The following SLC39A9 variants were observed in gnomAD, a reference collection of about 807,000 sequenced individuals.
SLC39A9 encodes the protein zinc transporter ZIP9.
Under a neutral mutation model 28.4 loss-of-function variants are expected in SLC39A9, and 14 were observed. That is an observed-to-expected ratio of 0.49 (90% CI 0.33 to 0.77). The LOEUF (loss-of-function observed/expected upper bound fraction) is 0.77. Ranked by LOEUF, SLC39A9 falls within the 30% of genes least tolerant of loss-of-function variation. The probability of loss-of-function intolerance (pLI) is 0.02; values close to 1 mark genes in which losing one functional copy is unlikely to be tolerated. For synonymous variants in SLC39A9, 119 were observed against 149.6 expected, an observed-to-expected ratio of 0.80 and a Z score of 1.49; for missense variants, 283 against 381.1, an observed-to-expected ratio of 0.74 and a Z score of 2.14.
Position 69,442,169 on chromosome 14 carries a change from A to G in SLC39A9, c.306A>G (p.Thr102=). The change falls in exon 3 of 7, where the codon ACA becomes ACG. Residue 102 remains threonine (T), a synonymous_variant. Coordinates refer to ENST00000336643, the MANE Select transcript of SLC39A9 (RefSeq NM_018375.5). The part of the protein sequence containing the change: ...VHEHEHSHDH[T]QLHAYIGVSL... ...AACATGAGCACAGCCACGACCACAC[A>G]CAGCTGCATGCCTATATTGGTGTTT... is the stretch of plus-strand genomic sequence containing the variant. 6.2e-7 allele frequency: 1 copy of G among 1,614,206 alleles called. No individual in the cohort carries two copies. Among genetic ancestry groups the G allele is most frequent in the Non-Finnish European group, 8.5e-7 (1 of 1,180,046 alleles).
At chr14:69,425,166 T>C (rs939215731) in intron 2 of SLC39A9, among the ~76,000 whole-genome samples, 2 of 152,158 alleles carry the variant, frequency 1.3e-5, no homozygotes, top group African/African-American at 4.8e-5. Flanking sequence ...TCTCTACTTT[T>C]TTTATGGTCA....
chr14:69,411,007 T>G (rs1344493570), intron 1 of SLC39A9, among the ~76,000 whole-genome samples: 4 of 151,684 alleles, frequency 2.6e-5, no homozygotes, highest in Non-Finnish European at 4.4e-5. Flanking sequence ...AGGTCAGGAG[T>G]TTGAGACCTG....
intron 1 of SLC39A9, among the ~76,000 whole-genome samples, chr14:69,422,643 G>A (rs1883962443): frequency 6.6e-6 from 1 of 152,096 alleles, no homozygotes; most frequent in Admixed American, 6.5e-5. Flanking sequence ...GGAGTGCAGT[G>A]GTGCAATCTC....
At chr14:69,404,729 C>CA (rs894802681) in intron 1 of SLC39A9, among the ~76,000 whole-genome samples, 5 of 152,096 alleles carry the variant, frequency 3.3e-5, no homozygotes, top group Non-Finnish European at 4.4e-5. Flanking sequence ...TTGGAGAGGC[C>CA]AGGGCTTTTC....
chr14:69,441,832 G>A (rs970986848), intron 2 of SLC39A9: 17 of 1,239,920 alleles, frequency 1.4e-5, no homozygotes, highest in Admixed American at 1.2e-4. Context: ...CACTTCCCAG[G>A]TGTTGAGAAT....
At chr14:69,455,613 C>A (rs1377148224) in intron 5 of SLC39A9, 119 bp from the exon 6 acceptor site, 3 of 1,379,774 alleles carry the variant, frequency 2.2e-6, no homozygotes, top group Non-Finnish European at 2.0e-6. Flanking sequence ...AGCCACTGTG[C>A]CTGGCCTTTT....
chr14:69,442,869 C>T (rs887222584), intron 3 of SLC39A9, among the ~76,000 whole-genome samples: 1 of 152,182 alleles, frequency 6.6e-6, no homozygotes, highest in Admixed American at 6.5e-5. Flanking sequence ...TCAAGTTAAA[C>T]ATCTAGTTGA....
intron 6 of SLC39A9, among the ~76,000 whole-genome samples, chr14:69,457,492 C>T (rs372271228): frequency 9.3e-4 from 140 of 151,122 alleles, no homozygotes; most frequent in African/African-American, 3.3e-3. Context: ...TGAGCCACCA[C>T]GCCCGGCTGC....
In SLC39A9 at chr14:69,398,701, C is replaced by T. The variant is rs1882446037; in HGVS notation, c.-669C>T. ...CGGAAGTGGATGGAATGAAGAGATG[C>T]CACTTGGCGGCCATGGCAGCTGTAG... On this transcript the variant is annotated 5_prime_UTR_variant, in exon 1 of 7. Coordinates refer to ENST00000336643, the MANE Select transcript of SLC39A9 (RefSeq NM_018375.5). The T allele has an allele frequency of 8.7e-6, 2 of 229,688 alleles. No individual in the cohort carries two copies. Among genetic ancestry groups the T allele is most frequent in the South Asian group, 4.7e-5 (1 of 21,114 alleles). The allele number at this position is 229,688 out of a possible 1,614,324, so 14.2% of individuals were successfully genotyped here.
At chr14:69,432,904 C>G (rs1261282542) in intron 2 of SLC39A9, among the ~76,000 whole-genome samples, 1 of 152,058 alleles carries the variant, frequency 6.6e-6, no homozygotes, top group Non-Finnish European at 1.5e-5. Flanking sequence ...GTCTGTTTTT[C>G]TACCAGGACC....
At chr14:69,433,088 A>G (rs987963835) in intron 2 of SLC39A9, among the ~76,000 whole-genome samples, 3 of 152,122 alleles carry the variant, frequency 2.0e-5, no homozygotes, top group Admixed American at 2.0e-4. Context: ...TGGTAGTTTG[A>G]TATAACATTG....
chr14:69,430,101 T>C (rs1566916159), intron 2 of SLC39A9, among the ~76,000 whole-genome samples: 1 of 152,224 alleles, frequency 6.6e-6, no homozygotes, highest in Non-Finnish European at 1.5e-5. Flanking sequence ...ATACAAGTCC[T>C]TTATCAGATA....
chr14:69,434,694 A>G (rs1884662139), intron 2 of SLC39A9, among the ~76,000 whole-genome samples: 1 of 152,142 alleles, frequency 6.6e-6, no homozygotes, highest in South Asian at 2.1e-4. Flanking sequence ...AAAGAATTTA[A>G]TGCTATAAAT....
chr14:69,449,362 G>A (rs913521620), intron 3 of SLC39A9, among the ~76,000 whole-genome samples: 3 of 152,102 alleles, frequency 2.0e-5, no homozygotes, highest in African/African-American at 7.2e-5. Context: ...GGTGACTCAC[G>A]CCTGTAATCC....
At chr14:69,409,457 A>G (rs555646686) in intron 1 of SLC39A9, among the ~76,000 whole-genome samples, 4 of 151,272 alleles carry the variant, frequency 2.6e-5, no homozygotes, top group East Asian at 1.9e-4. Flanking sequence ...TTCTACCTCA[A>G]CCTCCCTAGT....
chr14:69,411,118 A>G (rs942571525), intron 1 of SLC39A9, among the ~76,000 whole-genome samples: 11 of 150,834 alleles, frequency 7.3e-5, no homozygotes, highest in Non-Finnish European at 1.5e-4. Context: ...AGGCTAAGGC[A>G]GGAGAATCGC....
At chr14:69,449,857 G>C (rs1298857232) in intron 3 of SLC39A9, among the ~76,000 whole-genome samples, 1 of 152,006 alleles carries the variant, frequency 6.6e-6, no homozygotes, top group Non-Finnish European at 1.5e-5. Flanking sequence ...GTGTGTGTGT[G>C]TGTGTGTATA....
intron 3 of SLC39A9, among the ~76,000 whole-genome samples, chr14:69,450,485 G>T (rs1885553038): frequency 6.6e-6 from 1 of 152,042 alleles, no homozygotes. Context: ...TATATATGGT[G>T]ATTGTCAGGC....
chr14:69,399,714 C>G (rs1882515949), intron 1 of SLC39A9, among the ~76,000 whole-genome samples: 1 of 152,136 alleles, frequency 6.6e-6, no homozygotes, highest in Admixed American at 6.5e-5. Context: ...CCTAGAATTG[C>G]TTACAAAAAT....
Sources: gnomAD v4.1 joint callset for allele counts (sites outside exome capture counted in the v4.1 genomes callset) on GRCh38, gnomAD v4.1.1 for gene constraint, MANE v1.5 for transcripts, NCBI Gene and HGNC (gene_info 2026-07-23, HGNC 2026-07-21) for gene names.